Variants in FHL2 observed in about 807,000 individuals in gnomAD.
The protein encoded by FHL2 is four and a half LIM domains 2, also known as four and a half LIM domains protein 2.
FHL2 carries 20 observed loss-of-function variants against 32.7 expected under a neutral mutation model. The observed-to-expected ratio is 0.61, with a 90% confidence interval of 0.43 to 0.89. The LOEUF is 0.89. Ranked by LOEUF, FHL2 falls within the 40% of genes least tolerant of loss-of-function variation. The pLI, the probability that FHL2 is intolerant of heterozygous loss-of-function variation, is 0.00. For missense variants in FHL2, 311 were observed against 358.6 expected (o/e 0.87, Z 1.07); for synonymous variants, 123 against 128.1 (o/e 0.96, Z 0.27).
chr2:105,399,332 C>A (rs1683371658), upstream of FHL2: 1 of 1,535,712 alleles, frequency 6.5e-7, no homozygotes, highest in South Asian at 1.2e-5. Context: ...TCGGACGAGG[C>A]CTGGGCGCGG....
chr2:105,418,431 C>CA lies in FHL2; in HGVS notation c.-25+19967dup, dbSNP rs57767173. On this transcript the variant is annotated intron_variant, in intron 1 of 5. Coordinates refer to the FHL2 transcript ENST00000393352. Reference sequence around the variant, plus strand: ...GACCCAGGTGGTCAAACAACATCAACAAAAAAAAAACAAAAAACCCATTTT... The same window carrying CA: ...GACCCAGGTGGTCAAACAACATCAACAAAAAAAAAAACAAAAAACCCATTTT... Among the ~76,000 whole-genome samples, 337 of 148,178 alleles carry CA rather than the reference C, an allele frequency of 2.3e-3. 3 individuals carry two copies. Among genetic ancestry groups the CA allele is most frequent in the African/African-American group, 5.5e-3 (221 of 40,360 alleles).
rs1017093913 is a variant in FHL2, at chr2:105,434,750, A to G, written c.-25+3649T>C. ...GTATTAAATGAGCTAAAACATAGTT[A>G]CTGGATATAATGATCTTTCAATAAA... On this transcript the variant is annotated intron_variant, in intron 1 of 5. Coordinates refer to the FHL2 transcript ENST00000393352. Among the ~76,000 whole-genome samples, 13 of 152,166 alleles carry G rather than the reference A, an allele frequency of 8.5e-5. 1 individual carries two copies. The highest frequency in any genetic ancestry group is 7.9e-4 in the Admixed American group (12 of 15,266).
chr2:105,409,376 G>A (rs939570933), intron 1 of FHL2, among the ~76,000 whole-genome samples: 1 of 152,162 alleles, frequency 6.6e-6, no homozygotes, highest in South Asian at 2.1e-4. Context: ...GCCCCCAGAA[G>A]TCTCCCATGA....
intron 1 of FHL2, among the ~76,000 whole-genome samples, chr2:105,420,778 C>A (rs890621622): frequency 6.6e-6 from 1 of 152,134 alleles, no homozygotes; most frequent in Non-Finnish European, 1.5e-5. Flanking sequence ...CAACCTAGAT[C>A]CCTCACATGT....
At chr2:105,419,587 T>C (rs1684039113) in intron 1 of FHL2, among the ~76,000 whole-genome samples, 1 of 152,184 alleles carries the variant, frequency 6.6e-6, no homozygotes, top group African/African-American at 2.4e-5. Flanking sequence ...CTCACCAATA[T>C]CACCCTTATC....
chr2:105,402,530 C>G (rs1041761962), upstream of FHL2, among the ~76,000 whole-genome samples: 1 of 151,942 alleles, frequency 6.6e-6, no homozygotes, highest in Admixed American at 6.6e-5. Flanking sequence ...CAGGCGTGGG[C>G]GACCATGCCT....
At chr2:105,412,890 T>C (rs1173937228) in intron 1 of FHL2, among the ~76,000 whole-genome samples, 1 of 152,072 alleles carries the variant, frequency 6.6e-6, no homozygotes, top group Admixed American at 6.5e-5. Flanking sequence ...CAGAAGCACA[T>C]TGCAGTGGGC....
chr2:105,365,171 A>G (rs1680540177), intron 5 of FHL2, among the ~76,000 whole-genome samples: 1 of 151,822 alleles, frequency 6.6e-6, no homozygotes. Flanking sequence ...CTGGCCCCCA[A>G]CTCCTCAGAT....
At chr2:105,429,522 G>A (rs907251716) in intron 1 of FHL2, among the ~76,000 whole-genome samples, 1 of 152,190 alleles carries the variant, frequency 6.6e-6, no homozygotes, top group Non-Finnish European at 1.5e-5. Context: ...GGGGCCATGA[G>A]CCAAGGAACG....
chr2:105,399,328 G>T, upstream of FHL2: 1 of 1,535,890 alleles, frequency 6.5e-7, no homozygotes, highest in African/African-American at 1.4e-5. Context: ...AGTTTCGGAC[G>T]AGGCCTGGGC....
chr2:105,367,557 G>A lies in FHL2; in HGVS notation c.501+13C>T. On this transcript the variant is annotated intron_variant, in intron 5 of 6. Coordinates refer to ENST00000530340, the MANE Select transcript of FHL2 (RefSeq NM_001318895.3). ...GCCAGAACGTGCAAGGGCCAAGGGGGCATCTGAGATACCTTTTTGCACTGA... is the reference window on the plus strand; with the variant it reads ...GCCAGAACGTGCAAGGGCCAAGGGGACATCTGAGATACCTTTTTGCACTGA... 2 of 1,605,612 alleles carry A rather than the reference G, an allele frequency of 1.2e-6. No individual in the cohort carries two copies. The highest frequency in any genetic ancestry group is 1.7e-6 in the Non-Finnish European group (2 of 1,174,578).
intron 1 of FHL2, among the ~76,000 whole-genome samples, chr2:105,424,567 T>C (rs1489611816): frequency 6.6e-6 from 1 of 152,192 alleles, no homozygotes; most frequent in South Asian, 2.1e-4. Flanking sequence ...GCTATAAAGA[T>C]ACATGCACAC....
At position 105,413,569 on chromosome 2, in the gene FHL2, G is replaced by A. The variant is rs1225836504; in HGVS notation, c.-25+24830C>T. ...GCTCACTATAACCTCAAGTTCCTGGGCTCAGGTGATCCTCCCACCTCAGCC... is the reference window on the plus strand; with the variant it reads ...GCTCACTATAACCTCAAGTTCCTGGACTCAGGTGATCCTCCCACCTCAGCC... On this transcript the variant is annotated intron_variant, in intron 1 of 5. Transcript: ENST00000393352. 2.0e-5 allele frequency among the ~76,000 whole-genome samples: 3 copies of A among 152,162 alleles called. No homozygotes were observed. In the East Asian group the frequency reaches 5.8e-4, roughly 29 times the overall value.
chr2:105,428,720 C>A (rs1339502001), intron 1 of FHL2, among the ~76,000 whole-genome samples: 1 of 152,210 alleles, frequency 6.6e-6, no homozygotes, highest in Non-Finnish European at 1.5e-5. Flanking sequence ...CACCTGTGTG[C>A]CCGGACCCTG....
intron 3 of FHL2, among the ~76,000 whole-genome samples, chr2:105,380,887 G>A (rs10200696): frequency 0.053 from 8,026 of 152,282 alleles, 668 homozygotes; most frequent in African/African-American, 0.18. Context: ...AAACATGTAC[G>A]ATTAGGCCCA....
intron 5 of FHL2, among the ~76,000 whole-genome samples, chr2:105,365,437 T>C (rs903237618): frequency 9.2e-5 from 14 of 152,174 alleles, no homozygotes; most frequent in African/African-American, 3.4e-4. Context: ...ATGTGTTGCT[T>C]TCATTTCTGC....
chr2:105,396,609 C>T, intron 2 of FHL2, 38 bp downstream of exon 2: 6 of 1,595,434 alleles, frequency 3.8e-6, no homozygotes, highest in Non-Finnish European at 5.2e-6. Flanking sequence ...AACTGAAATC[C>T]ACAATTTAGG....
chr2:105,423,364 C>T (rs1684162252), intron 1 of FHL2, among the ~76,000 whole-genome samples: 1 of 152,164 alleles, frequency 6.6e-6, no homozygotes, highest in African/African-American at 2.4e-5. Flanking sequence ...CTGCATTTTG[C>T]AGGAGTAGAG....
upstream of FHL2, among the ~76,000 whole-genome samples, chr2:105,401,986 AATAT>A (rs1173760899): frequency 6.6e-6 from 1 of 151,090 alleles, no homozygotes; most frequent in African/African-American, 2.4e-5. Flanking sequence ...TCAAAAACTA[AATAT>A]ATATATACAC....
Sources: gnomAD v4.1 joint callset for allele counts (sites outside exome capture counted in the v4.1 genomes callset) on GRCh38, gnomAD v4.1.1 for gene constraint, MANE v1.5 for transcripts, NCBI Gene and HGNC (gene_info 2026-07-23, HGNC 2026-07-21) for gene names.